RAD54B: variants seen among roughly 807,000 people sequenced by gnomAD.
The protein encoded by RAD54B is DNA repair and recombination protein RAD54B.
In RAD54B, 78 loss-of-function variants were observed where a neutral mutation model predicts 95.8. The ratio of observed to expected loss-of-function variants is 0.81; its 90% confidence interval spans 0.68 to 0.98. The LOEUF is 0.98. RAD54B is among the 50% of genes least tolerant of loss of function. The probability of loss-of-function intolerance (pLI) is 0.00; values close to 1 mark genes in which losing one functional copy is unlikely to be tolerated. For synonymous variants in RAD54B, 328 were observed against 354.9 expected (o/e 0.92, Z 0.85); for missense variants, 957 against 1,056.6 (o/e 0.91, Z 1.31).
chr8:94,378,198 C>T lies in RAD54B; in HGVS notation c.2497G>A (p.Gly833Arg), dbSNP rs1234656226. ...THDLLDCECT[G>R]EEVHTGDSLE... ...AACTAACCTGTATGAACTTCTTCTC[C>T]TGTACACTCACAGTCAAGCAGATCA... Residue 833 changes from glycine to arginine, a missense_variant, in exon 14 of 15, where the codon GGA (glycine) becomes AGA (arginine). Gly to Arg is a moderately radical substitution (Grantham distance 125). Coordinates refer to ENST00000336148, the MANE Select transcript of RAD54B (RefSeq NM_012415.3). 6.2e-7 allele frequency: 1 copy of T among 1,610,910 alleles called. No individual in the cohort carries two copies. Among genetic ancestry groups the T allele is most frequent in the East Asian group, 2.2e-5 (1 of 44,796 alleles).
intron 11 of RAD54B, among the ~76,000 whole-genome samples, chr8:94,385,846 C>CA (rs1810877582): frequency 6.6e-6 from 1 of 152,150 alleles, no homozygotes; most frequent in African/African-American, 2.4e-5. Context: ...AGAAGTGGGG[C>CA]AAATTACAGG....
intron 3 of RAD54B, among the ~76,000 whole-genome samples, chr8:94,438,856 T>C (rs1332196524): frequency 6.6e-6 from 1 of 152,122 alleles, no homozygotes. Context: ...CCAACAGTTT[T>C]GAGAGGCCAA....
intron 8 of RAD54B, among the ~76,000 whole-genome samples, chr8:94,398,128 C>G (rs2470736): frequency 6.6e-6 from 1 of 151,950 alleles, no homozygotes; most frequent in South Asian, 2.1e-4. Context: ...TTCACTATTA[C>G]TGACAAACAT....
chr8:94,462,761 C>G (rs888576962), intron 2 of RAD54B, among the ~76,000 whole-genome samples: 1 of 151,984 alleles, frequency 6.6e-6, no homozygotes, highest in African/African-American at 2.4e-5. Context: ...TGTATAATTT[C>G]AAAAATGCCC....
At chr8:94,423,160 A>T (rs1041905087) in intron 3 of RAD54B, among the ~76,000 whole-genome samples, 2 of 152,000 alleles carry the variant, frequency 1.3e-5, no homozygotes, top group Admixed American at 1.3e-4. Flanking sequence ...GAGGCAGGCT[A>T]ATCACAAGGT....
At chr8:94,437,551 AT>A (rs938672779) in intron 3 of RAD54B, among the ~76,000 whole-genome samples, 1 of 152,142 alleles carries the variant, frequency 6.6e-6, no homozygotes, top group Non-Finnish European at 1.5e-5. Flanking sequence ...GCCTCTGCAT[AT>A]TTTTTTCACT....
At chr8:94,436,757 C>A in intron 3 of RAD54B, 1 of 1,550,594 alleles carries the variant, frequency 6.4e-7, no homozygotes, top group Non-Finnish European at 8.7e-7. Context: ...TCTACTATTA[C>A]TGAATGTTTA....
At chr8:94,429,254 T>A (rs532172422) in intron 3 of RAD54B, 1 of 522,390 alleles carries the variant, frequency 1.9e-6, no homozygotes, top group East Asian at 1.5e-4. Flanking sequence ...CAGAAAAATA[T>A]GATTGTAGCA....
At chr8:94,431,140 T>A in intron 3 of RAD54B, 1 of 932,754 alleles carries the variant, frequency 1.1e-6, no homozygotes, top group Non-Finnish European at 1.3e-6. Flanking sequence ...ATTTAATATG[T>A]ATGCTTTAAG....
In RAD54B at chr8:94,429,788, C is replaced by A. The variant is rs557193559; in HGVS notation, c.305-18473G>T. On this transcript the variant is annotated intron_variant, in intron 3 of 14. Coordinates refer to ENST00000336148, the MANE Select transcript of RAD54B (RefSeq NM_012415.3). The stretch of plus-strand genomic sequence containing the variant: ...GAAGTTAACTCTACCAGCTATAAAA[C>A]ACCCTCTTTTTAATCCAACCAATGA... The A allele has an allele frequency of 2.7e-5, 27 of 985,204 alleles. No individual in the cohort carries two copies. In the African/African-American group the frequency reaches 4.4e-4, roughly 16 times the overall value. 61.0% of individuals were successfully genotyped at this position (985,204 alleles called of 1,614,324 possible).
chr8:94,384,020 T>C (rs972189782), intron 11 of RAD54B, among the ~76,000 whole-genome samples: 2 of 152,230 alleles, frequency 1.3e-5, no homozygotes, highest in South Asian at 4.1e-4. Flanking sequence ...ATTCCACTTC[T>C]GGATTTATAT....
At chr8:94,441,932 G>C (rs549737560) in intron 3 of RAD54B, among the ~76,000 whole-genome samples, 1 of 152,264 alleles carries the variant, frequency 6.6e-6, no homozygotes, top group East Asian at 1.9e-4. Context: ...AACTTCAGTT[G>C]GAGATTTTTG....
chr8:94,375,321 C>T (rs116700205), intron 14 of RAD54B, among the ~76,000 whole-genome samples: 1 of 152,126 alleles, frequency 6.6e-6, no homozygotes, highest in Admixed American at 6.6e-5. Context: ...ATATTTCCCA[C>T]GTGTTGTGGG....
At chr8:94,380,488 ATAT>A in intron 11 of RAD54B, 82 bp from the exon 12 acceptor site, 1 of 1,320,030 alleles carries the variant, frequency 7.6e-7, no homozygotes, top group Non-Finnish European at 1.0e-6. Context: ...TACCACAATA[ATAT>A]TATCACTGAC....
intron 3 of RAD54B, among the ~76,000 whole-genome samples, chr8:94,420,251 ATTTTTTTTTTTT>A (rs57897762): frequency 1.7e-5 from 2 of 117,034 alleles, no homozygotes; most frequent in Non-Finnish European, 3.5e-5. Context: ...AGAAAACTTG[ATTTTTTTTTTTT>A]TTTTTTTTTT....
chr8:94,459,061 CT>C (rs1204618337), intron 2 of RAD54B, among the ~76,000 whole-genome samples: 2 of 152,036 alleles, frequency 1.3e-5, no homozygotes, highest in Admixed American at 6.6e-5. Flanking sequence ...TGCTCTTTTT[CT>C]TGTTAAATTT....
intron 3 of RAD54B, among the ~76,000 whole-genome samples, chr8:94,415,830 A>G (rs1163662551): frequency 2.0e-5 from 3 of 150,668 alleles, no homozygotes; most frequent in Admixed American, 6.6e-5. Flanking sequence ...ACCATCTCAC[A>G]CCAGTTAGAA....
intron 3 of RAD54B, chr8:94,430,951 T>G: frequency 1.0e-6 from 1 of 985,354 alleles, no homozygotes; most frequent in African/African-American, 1.7e-5. Flanking sequence ...AATCCACTTT[T>G]TCCCATTCTT....
chr8:94,378,874 G>A (rs1265732713), intron 12 of RAD54B, among the ~76,000 whole-genome samples: 1 of 152,216 alleles, frequency 6.6e-6, no homozygotes. Context: ...TCATGCAAGA[G>A]TGAGAGAATA....
Sources: allele counts gnomAD v4.1 joint callset (sites outside exome capture counted in the v4.1 genomes callset), GRCh38; gene constraint gnomAD v4.1.1; transcripts MANE v1.5; gene names NCBI Gene and HGNC (gene_info 2026-07-23, HGNC 2026-07-21).